The following CATSPERD variants were observed in gnomAD, a reference collection of about 807,000 sequenced individuals.
The protein encoded by CATSPERD is cation channel sperm-associated auxiliary subunit delta.
CATSPERD carries 86 observed loss-of-function variants against 98.1 expected under a neutral mutation model. The ratio of observed to expected loss-of-function variants is 0.88; its 90% CI spans 0.74 to 1.05. CATSPERD has a LOEUF of 1.05. CATSPERD is among the 50% of genes least tolerant of loss of function. The pLI is 0.00. For synonymous variants in CATSPERD, 394 were observed against 390.2 expected (o/e 1.01, Z -0.12); for missense variants, 995 against 1,005.7 (o/e 0.99, Z 0.14).
chr19:5,775,150 A>G (rs957526385), intron 20 of CATSPERD: 1 of 445,730 alleles, frequency 2.2e-6, no homozygotes, highest in African/African-American at 2.0e-5. Flanking sequence ...GACGGTCACT[A>G]CAACAGTTAC....
At chr19:5,734,274 A>G (rs2055796861) in intron 5 of CATSPERD, among the ~76,000 whole-genome samples, 1 of 152,118 alleles carries the variant, frequency 6.6e-6, no homozygotes, top group Non-Finnish European at 1.5e-5. Context: ...AGTCTGCGGT[A>G]GGCAGATCAT....
chr19:5,741,785 C>CCGGGGGGG (rs939602468), intron 7 of CATSPERD, among the ~76,000 whole-genome samples: 2 of 6,116 alleles, frequency 3.3e-4, no homozygotes, highest in Non-Finnish European at 4.8e-4. Flanking sequence ...ATGCTGAAGG[C>CCGGGGGGG]GGGGGGGGGG....
chr19:5,737,082 T>C, intron 5 of CATSPERD, 56 bp from the exon 6 acceptor site: 1 of 1,256,114 alleles, frequency 8.0e-7, no homozygotes. Flanking sequence ...AACAAAAAAC[T>C]TTTCTCCAAA....
chr19:5,777,784 A>G (rs2056761271), intron 21 of CATSPERD, among the ~76,000 whole-genome samples: 1 of 152,066 alleles, frequency 6.6e-6, no homozygotes, highest in African/African-American at 2.4e-5. Context: ...CTGAGGCAGG[A>G]GAATCGCTTG....
At chr19:5,731,802 C>T (rs1210347092) in intron 4 of CATSPERD, among the ~76,000 whole-genome samples, 1 of 151,574 alleles carries the variant, frequency 6.6e-6, no homozygotes, top group Non-Finnish European at 1.5e-5. Context: ...GTCTCGATCT[C>T]CTGACCTCAT....
At chr19:5,753,105 C>T (rs2050588) in intron 12 of CATSPERD, among the ~76,000 whole-genome samples, 119,195 of 151,288 alleles carry the variant, frequency 0.79, 47,360 homozygotes, top group East Asian at 0.98. Flanking sequence ...AACCCCTGAA[C>T]TTAAGTGATT....
intron 19 of CATSPERD, chr19:5,772,214 ATTTTTTTTTTTTT>A (rs35847357): frequency 0.011 from 1,757 of 153,982 alleles, no homozygotes; most frequent in East Asian, 0.036. Context: ...TGCCCGGTTA[ATTTTTTTTTTTTT>A]TTTTTTTTTT....
intron 13 of CATSPERD, 146 bp downstream of exon 13, chr19:5,754,391 G>GTTTT: frequency 2.2e-5 from 6 of 273,736 alleles, no homozygotes; most frequent in Non-Finnish European, 3.4e-5. Flanking sequence ...TTGTCTCTGT[G>GTTTT]TCTTTTTTTT....
At chr19:5,778,325 GT>G (rs1389587062) in intron 21 of CATSPERD, 50 bp from the exon 22 acceptor site, 1 of 1,529,386 alleles carries the variant, frequency 6.5e-7, no homozygotes, top group Admixed American at 1.8e-5. Flanking sequence ...ATAAGGCGAA[GT>G]CCCCCAAAGG....
Position 5,749,189 on chromosome 19 carries a change from TA to T in CATSPERD, c.987+11del, listed in dbSNP as rs1285174017. The T allele has an allele frequency of 1.9e-6, 3 of 1,607,684 alleles. No individual in the cohort carries two copies. The highest frequency in any genetic ancestry group is 2.7e-5 in the African/African-American group (2 of 74,570). On this transcript the variant is annotated splice_region_variant and intron_variant, in intron 11 of 21. Coordinates refer to ENST00000381624, the MANE Select transcript of CATSPERD (RefSeq NM_152784.4). Reference sequence around the variant, plus strand: ...TGCCAAGTTCCATAATCAAAGTAGGTAAAAAGAAAGTGGGGTTATGGGCTGG... The same window carrying T: ...TGCCAAGTTCCATAATCAAAGTAGGTAAAAGAAAGTGGGGTTATGGGCTGG...
At chr19:5,740,594 A>C (rs535179719) in intron 7 of CATSPERD, among the ~76,000 whole-genome samples, 1 of 151,572 alleles carries the variant, frequency 6.6e-6, no homozygotes, top group South Asian at 2.1e-4. Context: ...TCTCAAAATA[A>C]ATAAATAAAA....
chr19:5,741,040 ACGC>A (rs2055952656), intron 7 of CATSPERD, among the ~76,000 whole-genome samples: 1 of 114,684 alleles, frequency 8.7e-6, no homozygotes, highest in Non-Finnish European at 2.0e-5. Context: ...AGCTGAGACA[ACGC>A]CATTGCACTG....
At chr19:5,767,668 T>C (rs1436015037) in intron 17 of CATSPERD, among the ~76,000 whole-genome samples, 3 of 151,822 alleles carry the variant, frequency 2.0e-5, no homozygotes, top group Admixed American at 2.0e-4. Context: ...TTTGTATTTT[T>C]AGTAGAGACG....
chr19:5,759,205 G>T (rs1165615700), intron 15 of CATSPERD, 61 bp downstream of exon 15: 1 of 1,471,306 alleles, frequency 6.8e-7, no homozygotes, highest in Non-Finnish European at 9.5e-7. Flanking sequence ...CTTAGCAGGA[G>T]CGAAGAGAAG....
chr19:5,763,562 C>G (rs954871666), intron 16 of CATSPERD, among the ~76,000 whole-genome samples: 7 of 152,162 alleles, frequency 4.6e-5, no homozygotes, highest in Admixed American at 4.6e-4. Flanking sequence ...AGGACAAATC[C>G]TGTGTGATTC....
rs1030345019 is a variant in CATSPERD at position 5,751,763 on chromosome 19, G to T, written c.1104G>T (p.Lys368Asn). The T allele has an allele frequency of 1.2e-6, 2 of 1,613,800 alleles. No homozygotes were observed. Among genetic ancestry groups the T allele is most frequent in the Non-Finnish European group, 1.7e-6 (2 of 1,179,934 alleles). ...DTAFPAFDFQ[K>N]CLVNIQALLM... is the part of the protein sequence containing the mutation. ...CCTTTCCAGCTTTTGATTTCCAGAA[G>T]TGCCTCGTGAATATCCAGGCGCTTC... The change falls in exon 12 of 22, where the codon AAG (lysine) becomes AAT (asparagine). Residue 368 changes from lysine to asparagine, a missense_variant. By Grantham distance (94) the Lys-to-Asn change is moderately conservative (BLOSUM62 0). This residue lies in a region of CATSPERD where 762 missense variants were observed against 773.7 expected (regional missense o/e 0.98). Transcript: ENST00000381624.
chr19:5,746,083 G>A lies in CATSPERD; in HGVS notation c.808+20G>A, dbSNP rs2056087952. ...ATGCAGGTGAGCCCAGGGGCCCAGG[G>A]TGGGGCTGCCGCCTGGTGGCCTCCT... is the stretch of plus-strand genomic sequence containing the variant. On this transcript the variant is annotated intron_variant, in intron 9 of 21. Coordinates refer to ENST00000381624, the MANE Select transcript of CATSPERD (RefSeq NM_152784.4). The A allele has an allele frequency of 1.2e-6, 2 of 1,609,806 alleles. No individual in the cohort carries two copies. The highest frequency in any genetic ancestry group is 1.3e-5 in the African/African-American group (1 of 74,600).
chr19:5,766,288 T>TA (rs1401674978), intron 17 of CATSPERD, 133 bp downstream of exon 17: 5,656 of 195,766 alleles, frequency 0.029, 80 homozygotes, highest in Admixed American at 0.048. Flanking sequence ...CCGTCTCTAC[T>TA]GAAAAAAAAA....
At chr19:5,744,032 G>A (rs1049053000) in intron 7 of CATSPERD, among the ~76,000 whole-genome samples, 10 of 151,954 alleles carry the variant, frequency 6.6e-5, no homozygotes, top group African/African-American at 2.2e-4. Flanking sequence ...CATGCTGGAG[G>A]GCAGTGGCAT....
Sources: gnomAD v4.1 joint callset for allele counts (sites outside exome capture counted in the v4.1 genomes callset) on GRCh38, gnomAD v4.1.1 for gene constraint, gnomAD v4.1.1 regional missense constraint, MANE v1.5 for transcripts, NCBI Gene and HGNC (gene_info 2026-07-23, HGNC 2026-07-21) for gene names.